The following LRIG1 variants were observed in gnomAD, a reference collection of about 807,000 sequenced individuals.
LRIG1 encodes the protein leucine rich repeats and immunoglobulin like domains 1.
In LRIG1, 48 loss-of-function variants were observed where a neutral mutation model predicts 99.2. That is an observed-to-expected ratio of 0.48 (90% CI 0.38 to 0.62). LRIG1 has a LOEUF of 0.62. LRIG1 is among the 20% of genes least tolerant of loss of function. The probability of loss-of-function intolerance (pLI) is 0.00; values close to 1 mark genes in which losing one functional copy is unlikely to be tolerated. For synonymous variants in LRIG1, 772 were observed against 596.1 expected (o/e 1.29, Z -4.30); for missense variants, 1,646 against 1,434.4 (o/e 1.15, Z -2.38).
chr3:66,382,127 G>C, intron 16 of LRIG1, 146 bp downstream of exon 16: 6 of 877,828 alleles, frequency 6.8e-6, no homozygotes, highest in Non-Finnish European at 1.1e-5. Context: ...GTCCAAAATA[G>C]CAGCCCTTAG....
Position 66,383,174 on chromosome 3 carries a change from T to C in LRIG1, c.2299A>G (p.Asn767Asp), listed in dbSNP as rs1258034960. 8 of 1,614,218 alleles carry C rather than the reference T, an allele frequency of 5.0e-6. No homozygotes were observed. The highest frequency in any genetic ancestry group is 6.8e-6 in the Non-Finnish European group (8 of 1,180,030). The change falls in exon 15 of 19, where the codon AAC (asparagine) becomes GAC (aspartate). Residue 767 changes from asparagine to aspartate, a missense_variant. Physicochemically the swap from Asn to Asp is conservative, Grantham distance 23. Coordinates refer to ENST00000273261, the MANE Select transcript of LRIG1 (RefSeq NM_015541.3). Reference protein sequence around the residue: ...DAGRYTCEMSNTLGTERAHSQ... With the variant: ...DAGRYTCEMSDTLGTERAHSQ... ...TGAGCTCGCTCCGTGCCCAGGGTGT[T>C]GGACATCTCACAGGTATATCGGCCC...
chr3:66,381,000 C>T, intron 17 of LRIG1, 139 bp from the exon 18 acceptor site: 1 of 789,296 alleles, frequency 1.3e-6, no homozygotes, highest in Admixed American at 2.8e-5. Flanking sequence ...CCTCTTTTCC[C>T]CAACTATGTC....
chr3:66,426,113 G>A (rs1308348169), intron 3 of LRIG1, among the ~76,000 whole-genome samples: 4 of 152,172 alleles, frequency 2.6e-5, no homozygotes, highest in Non-Finnish European at 5.9e-5. Context: ...GGGACAAGGT[G>A]GGTCAAGTGG....
chr3:66,413,681 C>T (rs1454835189), intron 5 of LRIG1, among the ~76,000 whole-genome samples: 1 of 152,200 alleles, frequency 6.6e-6, no homozygotes, highest in Non-Finnish European at 1.5e-5. Context: ...GAAGGGGAGG[C>T]AGAGCAGCCA....
intron 11 of LRIG1, among the ~76,000 whole-genome samples, chr3:66,397,644 C>A (rs1701906213): frequency 6.6e-6 from 1 of 152,150 alleles, no homozygotes; most frequent in Non-Finnish European, 1.5e-5. Flanking sequence ...TGGGCAGACA[C>A]CACTGCACCC....
intron 5 of LRIG1, 112 bp downstream of exon 5, chr3:66,414,808 G>A (rs1280140185): frequency 5.4e-6 from 6 of 1,104,990 alleles, no homozygotes; most frequent in African/African-American, 1.6e-5. Flanking sequence ...TTTATGGAGA[G>A]CTTTACCAAA....
At chr3:66,404,500 GGGAACGTGGGCTTT>G (rs2106639120) in intron 9 of LRIG1, 2 of 975,638 alleles carry the variant, frequency 2.0e-6, no homozygotes, top group African/African-American at 3.4e-5. Context: ...CCAAGGGGAA[GGGAACGTGGGCTTT>G]GGAGCCAAAC....
intron 2 of LRIG1, among the ~76,000 whole-genome samples, chr3:66,452,991 T>C (rs1313463529): frequency 6.6e-6 from 1 of 152,204 alleles, no homozygotes; most frequent in African/African-American, 2.4e-5. Flanking sequence ...CAGTCTCTTA[T>C]CTGACTGCCC....
chr3:66,388,988 C>G (rs1422001690), intron 12 of LRIG1, among the ~76,000 whole-genome samples: 1 of 152,110 alleles, frequency 6.6e-6, no homozygotes, highest in African/African-American at 2.4e-5. Flanking sequence ...ATTTTTGTAA[C>G]TCGCGTCTCC....
chr3:66,391,568 G>A (rs1701620447), intron 12 of LRIG1, among the ~76,000 whole-genome samples: 1 of 152,154 alleles, frequency 6.6e-6, no homozygotes, highest in African/African-American at 2.4e-5. Context: ...CCCAGAATAG[G>A]CAAATGATGG....
At chr3:66,381,221 C>A (rs1006571034) in intron 17 of LRIG1, among the ~76,000 whole-genome samples, 1 of 152,156 alleles carries the variant, frequency 6.6e-6, no homozygotes, top group Non-Finnish European at 1.5e-5. Flanking sequence ...CTCTATACTT[C>A]GTTTGTGCCT....
rs1430746718 is a variant in LRIG1, at chr3:66,384,181, G to T, written c.1881C>A (p.Asn627Lys). ...CATCCTTCTGCCAGGCAATCTGAGG[G>T]TTTGGGTGACCTGTGGCAGCACATT... ...RLECAATGHP[N>K]PQIAWQKDGG... is the part of the protein sequence containing the mutation. The change falls in exon 14 of 19, where the codon AAC (asparagine) becomes AAA (lysine). Residue 627 changes from asparagine to lysine, a missense_variant. Physicochemically the swap from Asn to Lys is moderately conservative, Grantham distance 94. Coordinates refer to ENST00000273261, the MANE Select transcript of LRIG1 (RefSeq NM_015541.3). 10 of 1,614,234 alleles carry T rather than the reference G, an allele frequency of 6.2e-6. No homozygotes were observed. The highest frequency in any genetic ancestry group is 8.5e-6 in the Non-Finnish European group (10 of 1,180,046).
chr3:66,438,111 T>G lies in LRIG1; in HGVS notation c.365+13448A>C, dbSNP rs983648909. Among the ~76,000 whole-genome samples the G allele has an allele frequency of 2.9e-4, 44 of 152,268 alleles. 1 individual carries two copies. Among genetic ancestry groups the G allele is most frequent in the African/African-American group, 9.9e-4 (41 of 41,546 alleles). On this transcript the variant is annotated intron_variant, in intron 3 of 18. Transcript: ENST00000273261. ...ATGAGGGCTGCCTCAGAGCCACATC[T>G]GGATGCTTGGGAGCCAAGGCCTTGG...
intron 11 of LRIG1, among the ~76,000 whole-genome samples, chr3:66,395,809 G>C (rs1196826853): frequency 3.9e-5 from 6 of 152,170 alleles, no homozygotes; most frequent in South Asian, 2.1e-4. Context: ...CGCCAGGCAT[G>C]GGGGGAACTC....
chr3:66,430,145 G>A (rs571332260), intron 3 of LRIG1, among the ~76,000 whole-genome samples: 17 of 150,974 alleles, frequency 1.1e-4, no homozygotes, highest in African/African-American at 3.7e-4. Flanking sequence ...CCTGAACCAA[G>A]GAACATTACT....
intron 1 of LRIG1, among the ~76,000 whole-genome samples, chr3:66,495,286 T>G (rs990568242): frequency 2.0e-5 from 3 of 152,110 alleles, no homozygotes; most frequent in Admixed American, 6.6e-5. Context: ...CCTCCACCCG[T>G]CCTCCCTCCT....
intron 3 of LRIG1, among the ~76,000 whole-genome samples, chr3:66,423,804 A>T (rs1702893552): frequency 6.6e-6 from 1 of 152,142 alleles, no homozygotes. Flanking sequence ...ACCTCAGAAG[A>T]GCCCCTCTGT....
intron 1 of LRIG1, among the ~76,000 whole-genome samples, chr3:66,495,577 A>C (rs1411992019): frequency 6.6e-6 from 1 of 152,182 alleles, no homozygotes; most frequent in Non-Finnish European, 1.5e-5. Flanking sequence ...AGAAAGAAAG[A>C]CTCTGATACA....
At chr3:66,387,829 G>A (rs985551608) in intron 12 of LRIG1, 2 of 151,876 alleles carry the variant, frequency 1.3e-5, no homozygotes, top group African/African-American at 4.8e-5. Context: ...CAGGTGGGGT[G>A]GCTCACGCCT....
Sources: gnomAD v4.1 joint callset for allele counts (sites outside exome capture counted in the v4.1 genomes callset) on GRCh38, gnomAD v4.1.1 for gene constraint, MANE v1.5 for transcripts, NCBI Gene and HGNC (gene_info 2026-07-23, HGNC 2026-07-21) for gene names.